The following CLHC1 variants were observed in gnomAD, a reference collection of about 807,000 sequenced individuals.
The protein encoded by CLHC1 is clathrin heavy chain linker domain-containing protein 1.
CLHC1 carries 72 observed loss-of-function variants against 69.5 expected under a neutral mutation model. That is an observed-to-expected ratio of 1.04 (90% CI 0.86 to 1.26). The LOEUF (loss-of-function observed/expected upper bound fraction) is 1.26, where lower values mean the gene tolerates loss of function less well. Among genes scored for constraint, CLHC1 ranks in the 50% most tolerant of loss-of-function variants. The pLI is 0.00. For synonymous variants in CLHC1, 223 were observed against 224.3 expected (o/e 0.99, Z 0.05); for missense variants, 790 against 679.3 (o/e 1.16, Z -1.81).
chr2:55,186,251 G>C (rs1298581669), intron 9 of CLHC1, among the ~76,000 whole-genome samples: 1 of 152,136 alleles, frequency 6.6e-6, no homozygotes, highest in Admixed American at 6.5e-5. Flanking sequence ...CAAACATAAA[G>C]CCTTTCCAGA....
chr2:55,192,410 T>C (rs1376307317), intron 9 of CLHC1, among the ~76,000 whole-genome samples: 1 of 152,130 alleles, frequency 6.6e-6, no homozygotes, highest in Non-Finnish European at 1.5e-5. Context: ...GCACTGCTTC[T>C]GGCCTCAAAT....
At chr2:55,183,742 C>A (rs1229748480) in intron 9 of CLHC1, among the ~76,000 whole-genome samples, 1 of 152,118 alleles carries the variant, frequency 6.6e-6, no homozygotes, top group Non-Finnish European at 1.5e-5. Context: ...TAACCAATAA[C>A]CCTAACAAGG....
intron 2 of CLHC1, chr2:55,224,401 G>A: frequency 2.3e-6 from 1 of 434,964 alleles, no homozygotes; most frequent in East Asian, 6.0e-5. Context: ...TGGTCCTCCT[G>A]GAGGAAAGCT....
Position 55,226,441 on chromosome 2 carries a change from T to C in CLHC1, c.-83+1591A>G, listed in dbSNP as rs138952361. 2.8e-4 allele frequency among the ~76,000 whole-genome samples: 42 copies of C among 152,340 alleles called. No homozygotes were observed. In the East Asian group the frequency reaches 7.5e-3, roughly 27 times the overall value. On this transcript the variant is annotated intron_variant, in intron 2 of 12. Transcript: ENST00000401408. ...TAAATATCTATTTAATATTTTGGAA[T>C]ATTTCCTTCCAAACATTACAAAACT...
chr2:55,193,052 G>A (rs1444820637), intron 9 of CLHC1, among the ~76,000 whole-genome samples: 4 of 71,376 alleles, frequency 5.6e-5, no homozygotes, highest in East Asian at 2.3e-4. Flanking sequence ...CACCACACCC[G>A]GCGGCTAATT....
intron 9 of CLHC1, chr2:55,205,617 G>C (rs1672369566): frequency 6.6e-6 from 1 of 152,206 alleles, no homozygotes; most frequent in South Asian, 2.1e-4. Context: ...AATTGGGCTG[G>C]GCACGATGGT....
intron 9 of CLHC1, among the ~76,000 whole-genome samples, chr2:55,195,331 A>G (rs1216888637): frequency 6.6e-6 from 1 of 152,206 alleles, no homozygotes; most frequent in Non-Finnish European, 1.5e-5. Flanking sequence ...AATGTGCTCC[A>G]GGTTTATCCA....
At chr2:55,223,930 G>T (rs71414556) in intron 2 of CLHC1, 8,197 of 152,674 alleles carry the variant, frequency 0.054, 259 homozygotes, top group African/African-American at 0.072. Flanking sequence ...TGAGTAGCTG[G>T]GACTACAGGC....
Position 55,187,612 on chromosome 2 carries a change from C to CA in CLHC1, c.1007-5869dup, listed in dbSNP as rs979812418. 4.3e-3 allele frequency among the ~76,000 whole-genome samples: 617 copies of CA among 143,202 alleles called. 2 individuals are homozygous for CA. The highest frequency in any genetic ancestry group is 0.011 in the South Asian group (48 of 4,556). The allele number at this position is 143,202 out of a possible 152,430, so 93.9% of individuals were successfully genotyped here. A position where few individuals can be genotyped will look rare whatever the true frequency, so the allele number is the denominator to read the frequency against. ...CTCAGGTGACAGAGCAAGACTGTCT[C>CA]AAAAAAAAAAATTATTAAAGAAAAA... On this transcript the variant is annotated intron_variant, in intron 9 of 12. Transcript: ENST00000401408.
chr2:55,206,286 T>C lies in CLHC1; in HGVS notation c.990A>G (p.Thr330=), dbSNP rs912325600. The C allele has an allele frequency of 1.9e-6, 3 of 1,595,352 alleles. No homozygotes were observed. The highest frequency in any genetic ancestry group is 1.7e-6 in the Non-Finnish European group (2 of 1,163,440). ...AATGCTTACCCTTAAATGTATTCATTGTACCAATGTTTCGAAGAATTCTTC... is the reference window on the plus strand; with the variant it reads ...AATGCTTACCCTTAAATGTATTCATCGTACCAATGTTTCGAAGAATTCTTC... ...SPRRILRNIG[T]MNTFKAVGKI... Residue 330 remains threonine, a synonymous_variant, in exon 9 of 13, where the codon ACA becomes ACG. Coordinates refer to ENST00000401408, the MANE Select transcript of CLHC1 (RefSeq NM_152385.4).
chr2:55,172,901 G>C lies in CLHC1; in HGVS notation c.*2889C>G, dbSNP rs117391002. 2.0e-3 allele frequency among the ~76,000 whole-genome samples: 301 copies of C among 152,220 alleles called. 12 individuals carry two copies. The East Asian group carries it at 0.049, about 25-fold the overall frequency. On this transcript the variant is annotated 3_prime_UTR_variant, in exon 13 of 13. Transcript: ENST00000401408. ...TAAAAAAATTTTTTTCATTAGACTA[G>C]ACTTCTGTTCAACATCTCTAAACCT...
In CLHC1 at chr2:55,181,654, T is replaced by C. The variant is rs773480965; in HGVS notation, c.1097A>G (p.Asp366Gly). The C allele has an allele frequency of 3.7e-6, 6 of 1,613,632 alleles. No individual in the cohort carries two copies. In the African/African-American group the frequency reaches 8.0e-5, roughly 22 times the overall value. The change falls in exon 10 of 13, where the codon GAT (aspartate) becomes GGT (glycine). Residue 366 changes from aspartate to glycine, a missense_variant. Transcript: ENST00000401408. ...GATTCCTTCCAGGGTTAGAGCTGCA[T>C]CAACAGGACATGGAAAAGCATGACT... ...ITSHAFPCPV[D>G]AALTLEGIKC...
intron 9 of CLHC1, among the ~76,000 whole-genome samples, chr2:55,195,661 G>C (rs1671343597): frequency 6.6e-6 from 1 of 152,112 alleles, no homozygotes; most frequent in South Asian, 2.1e-4. Context: ...AATTAGCCAG[G>C]CATGGTGGCA....
At chr2:55,176,651 G>A (rs1270860293) in intron 12 of CLHC1, among the ~76,000 whole-genome samples, 3 of 151,818 alleles carry the variant, frequency 2.0e-5, no homozygotes, top group African/African-American at 7.3e-5. Flanking sequence ...CATTACTTAT[G>A]GTACTTCATA....
In CLHC1 at chr2:55,217,649, T is replaced by C. The variant is rs555912907; in HGVS notation, c.365+162A>G. On this transcript the variant is annotated intron_variant, in intron 4 of 12. Coordinates refer to ENST00000401408, the MANE Select transcript of CLHC1 (RefSeq NM_152385.4). ...TTTTTTAATTGAAGTAAGTAAACAA[T>C]ACAGTAACTTCAAGTTACTAGGAGA... is the stretch of plus-strand genomic sequence containing the variant. Among the ~76,000 whole-genome samples the C allele has an allele frequency of 9.5e-5, 13 of 136,572 alleles. No homozygotes were observed. In the South Asian group the frequency reaches 2.2e-3, roughly 23 times the overall value. The allele number at this position is 136,572 out of a possible 152,430, so 89.6% of individuals were successfully genotyped here. A position where few individuals can be genotyped will look rare whatever the true frequency, so the allele number is the denominator to read the frequency against.
At chr2:55,180,759 A>G (rs755334289) in intron 10 of CLHC1, 47 bp from the exon 11 acceptor site, 1 of 1,475,712 alleles carries the variant, frequency 6.8e-7, no homozygotes, top group Non-Finnish European at 9.5e-7. Context: ...ATTCCTGATG[A>G]GTGGCTGAGA....
At chr2:55,214,693 A>G (rs1480545191) in intron 4 of CLHC1, 2 of 152,210 alleles carry the variant, frequency 1.3e-5, no homozygotes, top group Non-Finnish European at 2.9e-5. Flanking sequence ...CTTATAAACA[A>G]AAGATATGTC....
intron 11 of CLHC1, among the ~76,000 whole-genome samples, 168 bp from the exon 12 acceptor site, chr2:55,177,949 C>T (rs993825300): frequency 2.6e-5 from 3 of 114,908 alleles, no homozygotes; most frequent in Admixed American, 8.3e-5. Flanking sequence ...CCCTAGCCCC[C>T]GTCAAAAAAA....
chr2:55,173,945 CA>C lies in CLHC1; in HGVS notation c.*1844del, dbSNP rs1406528946. Among the ~76,000 whole-genome samples the C allele has an allele frequency of 3.4e-5, 5 of 146,560 alleles. No homozygotes were observed. Among genetic ancestry groups the C allele is most frequent in the Admixed American group, 2.8e-4 (4 of 14,494 alleles). On this transcript the variant is annotated 3_prime_UTR_variant, in exon 13 of 13. Transcript: ENST00000401408. Reference sequence around the variant, plus strand: ...TTTATCCTCCTGGCTTTCATGAAGACATTTTTTTTTCTAAGCTCTGTCAATG... The same window carrying C: ...TTTATCCTCCTGGCTTTCATGAAGACTTTTTTTTTCTAAGCTCTGTCAATG...
Sources: allele counts gnomAD v4.1 joint callset (sites outside exome capture counted in the v4.1 genomes callset), GRCh38; gene constraint gnomAD v4.1.1; transcripts MANE v1.5; gene names NCBI Gene and HGNC (gene_info 2026-07-23, HGNC 2026-07-21).